The following NHERF2 variants were observed in gnomAD, a reference collection of about 807,000 sequenced individuals.
NHERF2 encodes NHERF family PDZ scaffold protein 2.
At chr16:2,027,311 C>T in the NHERF2 span, 2 of 715,622 alleles carry the variant, frequency 2.8e-6, no homozygotes, top group Non-Finnish European at 3.9e-6. Flanking sequence ...CGAGGGGGCT[C>T]CCGCGGGGAG....
the NHERF2 span, among the ~76,000 whole-genome samples, chr16:2,028,922 C>G: frequency 4.6e-5 from 7 of 152,356 alleles, no homozygotes; most frequent in African/African-American, 1.7e-4. Context: ...TGCCTCTCCC[C>G]CTCGCCGGCT....
the NHERF2 span, chr16:2,035,542 C>T: frequency 1.0e-6 from 1 of 986,628 alleles, no homozygotes; most frequent in Non-Finnish European, 1.2e-6. Context: ...TGCCTCCTGC[C>T]TGCTCCGGCC....
chr16:2,036,219 T>TG, the NHERF2 span: 16 of 1,183,652 alleles, frequency 1.4e-5, no homozygotes, highest in Non-Finnish European at 1.6e-5. Context: ...GGCCTGCCCG[T>TG]GGGGGGCACG....
chr16:2,030,866 G>A, the NHERF2 span, among the ~76,000 whole-genome samples: 5 of 151,926 alleles, frequency 3.3e-5, no homozygotes, highest in East Asian at 1.9e-4. Flanking sequence ...GCTTGAACCC[G>A]GCAGGCGGAG....
chr16:2,029,421 C>T, the NHERF2 span: 22 of 613,582 alleles, frequency 3.6e-5, no homozygotes, highest in African/African-American at 7.6e-5. Flanking sequence ...CGCTGGAGTC[C>T]GGGGGTGGGG....
the NHERF2 span, chr16:2,037,132 T>G: frequency 9.0e-7 from 1 of 1,108,290 alleles, no homozygotes; most frequent in Non-Finnish European, 1.3e-6. Flanking sequence ...TCACCTCCCT[T>G]TAATGCCCCT....
the NHERF2 span, chr16:2,029,817 C>T: frequency 6.6e-7 from 1 of 1,520,822 alleles, no homozygotes; most frequent in East Asian, 2.5e-5. Flanking sequence ...ACCACCCTAG[C>T]CTCTCCCAGA....
the NHERF2 span, chr16:2,032,819 G>C: frequency 1.0e-6 from 1 of 997,400 alleles, no homozygotes; most frequent in Non-Finnish European, 1.2e-6. The surrounding 1 kb of genome is among the most constrained non-coding windows in gnomAD (Gnocchi z 4.0). Flanking sequence ...GGCCAGCGGT[G>C]CCAGGCCCTG....
At chr16:2,031,685 G>A in the NHERF2 span, among the ~76,000 whole-genome samples, 2 of 152,088 alleles carry the variant, frequency 1.3e-5, 1 homozygote, top group African/African-American at 4.8e-5. Flanking sequence ...GGAGGTCAGG[G>A]GGCACCCAAG....
chr16:2,037,924 C>G, the NHERF2 span: 1 of 1,613,074 alleles, frequency 6.2e-7, no homozygotes, highest in Non-Finnish European at 8.5e-7. Context: ...CCATGCGAGT[C>G]AACAAGCGCG....
At chr16:2,036,393 G>A in the NHERF2 span, 4 of 1,610,320 alleles carry the variant, frequency 2.5e-6, no homozygotes, top group South Asian at 4.4e-5. Context: ...TCAGGGCTAT[G>A]GGTTCAACCT....
At chr16:2,038,028 G>C in the NHERF2 span, 1 of 1,604,574 alleles carries the variant, frequency 6.2e-7, no homozygotes, top group Non-Finnish European at 8.5e-7. Context: ...CCTCCCGCAC[G>C]GACCTTGGGC....
the NHERF2 span, chr16:2,037,456 G>GT: frequency 8.0e-7 from 1 of 1,254,852 alleles, no homozygotes; most frequent in African/African-American, 1.5e-5. Context: ...CACACTGGGG[G>GT]GGGGTGTGCC....
the NHERF2 span, chr16:2,037,565 C>A: frequency 1.2e-6 from 2 of 1,612,610 alleles, no homozygotes; most frequent in East Asian, 4.5e-5. Context: ...GTGCTCGTCC[C>A]GAAGTGACCT....
the NHERF2 span, chr16:2,029,406 G>T: frequency 1.6e-6 from 1 of 615,346 alleles, no homozygotes; most frequent in Non-Finnish European, 2.9e-6. Context: ...GCAGAGGGAG[G>T]GAGCCGCTGG....
the NHERF2 span, chr16:2,038,402 CCCCCCCCTTCCCCT>C: frequency 6.8e-6 from 2 of 295,488 alleles, no homozygotes; most frequent in South Asian, 1.9e-5. Context: ...TACCAGAGAC[CCCCCCCCTTCCCCT>C]CCCCCTTCCC....
chr16:2,036,235 G>A, the NHERF2 span: 2,370 of 1,357,622 alleles, frequency 1.7e-3, 51 homozygotes, highest in South Asian at 0.029. Flanking sequence ...GCACGGTACC[G>A]AGTTTGGGCA....
At chr16:2,028,264 G>A in the NHERF2 span, among the ~76,000 whole-genome samples, 2 of 152,242 alleles carry the variant, frequency 1.3e-5, no homozygotes, top group African/African-American at 2.4e-5. Flanking sequence ...TCTGTCGGCC[G>A]GCCCCATGCC....
At chr16:2,037,876 G>A in the NHERF2 span, 1 of 1,605,886 alleles carries the variant, frequency 6.2e-7, no homozygotes, top group Non-Finnish European at 8.5e-7. Context: ...GCCTCCACCT[G>A]AGCCCCACGG....
Sources: gnomAD v4.1 joint callset for allele counts (sites outside exome capture counted in the v4.1 genomes callset) on GRCh38, gnomAD v4.1.1 for gene constraint, Gnocchi (gnomAD v3.1) non-coding constraint, MANE v1.5 for transcripts, NCBI Gene and HGNC (gene_info 2026-07-23, HGNC 2026-07-21) for gene names.